The following AP3B1 variants were observed in gnomAD, a reference collection of about 807,000 sequenced individuals.
The protein encoded by AP3B1 is adaptor related protein complex 3 subunit beta 1.
Under a neutral mutation model 132.5 loss-of-function variants are expected in AP3B1, and 61 were observed. That is an observed-to-expected ratio of 0.46 (90% CI 0.37 to 0.57). The LOEUF (loss-of-function observed/expected upper bound fraction) is 0.57. Among genes scored for constraint, AP3B1 ranks in the 20% least tolerant of loss-of-function variants. The pLI, the probability that AP3B1 is intolerant of heterozygous loss-of-function variation, is 0.00. For synonymous variants in AP3B1, 388 were observed against 438.3 expected (o/e 0.89, Z 1.43); for missense variants, 1,120 against 1,289.4 (o/e 0.87, Z 2.01).
Position 78,137,420 on chromosome 5 carries a change from AT to A in AP3B1, c.1650+3722del, listed in dbSNP as rs1171406983. Among the ~76,000 whole-genome samples, 13 of 151,936 alleles carry A rather than the reference AT, an allele frequency of 8.6e-5. No homozygotes were observed. In the East Asian group the frequency reaches 2.5e-3, roughly 29 times the overall value. ...CCACACTGACTCTCTCCTTTCTACTATTTTTCCTTAACTTTCCAATGTCTGT... is the reference window on the plus strand; with the variant it reads ...CCACACTGACTCTCTCCTTTCTACTATTTTCCTTAACTTTCCAATGTCTGT... On this transcript the variant is annotated intron_variant, in intron 15 of 26. Transcript: ENST00000255194.
At chr5:78,200,972 C>A (rs1239093603) in intron 7 of AP3B1, among the ~76,000 whole-genome samples, 2 of 152,092 alleles carry the variant, frequency 1.3e-5, no homozygotes, top group Non-Finnish European at 2.9e-5. Context: ...GGCCCTAATA[C>A]AATGTGACTA....
intron 7 of AP3B1, among the ~76,000 whole-genome samples, chr5:78,203,366 T>C (rs554664935): frequency 2.6e-5 from 4 of 152,204 alleles, no homozygotes; most frequent in African/African-American, 9.6e-5. Context: ...AGAATGAGAA[T>C]AGAGTGAAGG....
chr5:78,273,265 T>G (rs1748627905), intron 1 of AP3B1, among the ~76,000 whole-genome samples: 1 of 151,994 alleles, frequency 6.6e-6, no homozygotes, highest in Non-Finnish European at 1.5e-5. Context: ...AGTAGCCAGG[T>G]GTGGTGACAT....
intron 1 of AP3B1, among the ~76,000 whole-genome samples, chr5:78,280,683 A>AAAC (rs59326999): frequency 3.9e-5 from 6 of 151,914 alleles, no homozygotes; most frequent in East Asian, 1.9e-4. Flanking sequence ...TTCTTTAAAA[A>AAAC]AACAACAACA....
chr5:78,148,891 C>A (rs1184814301), intron 14 of AP3B1, among the ~76,000 whole-genome samples: 1 of 152,208 alleles, frequency 6.6e-6, no homozygotes, highest in South Asian at 2.1e-4. Context: ...TGTATCACTT[C>A]GTAGGAAGTA....
intron 3 of AP3B1, among the ~76,000 whole-genome samples, chr5:78,231,685 T>TC (rs1665108102): frequency 6.6e-6 from 1 of 152,164 alleles, no homozygotes; most frequent in South Asian, 2.1e-4. Flanking sequence ...TTAAGTTAAA[T>TC]CCCAACTGCA....
intron 6 of AP3B1, among the ~76,000 whole-genome samples, chr5:78,219,579 T>C (rs570638219): frequency 6.6e-6 from 1 of 152,214 alleles, no homozygotes; most frequent in African/African-American, 2.4e-5. Context: ...CTGACTACAG[T>C]TGTAAGGTTT....
chr5:78,146,440 G>A (rs115557282), intron 14 of AP3B1, among the ~76,000 whole-genome samples: 3,562 of 152,146 alleles, frequency 0.023, 157 homozygotes, highest in African/African-American at 0.079. Flanking sequence ...TTCTCCTTAA[G>A]TTCAAATGTG....
intron 11 of AP3B1, among the ~76,000 whole-genome samples, chr5:78,170,415 T>C (rs7443652): frequency 0.1 from 15,600 of 152,172 alleles, 1,515 homozygotes; most frequent in African/African-American, 0.25. Flanking sequence ...CTCTCCAGCA[T>C]CTGTTGTTTC....
At chr5:78,063,643 A>G (rs1326672153) in intron 22 of AP3B1, among the ~76,000 whole-genome samples, 1 of 152,210 alleles carries the variant, frequency 6.6e-6, no homozygotes, top group African/African-American at 2.4e-5. Flanking sequence ...ATATGGCCTC[A>G]ATCACAGTAA....
chr5:78,101,772 A>G (rs1751134066), intron 20 of AP3B1, among the ~76,000 whole-genome samples: 1 of 152,112 alleles, frequency 6.6e-6, no homozygotes, highest in Non-Finnish European at 1.5e-5. Flanking sequence ...CAGTTTGGTT[A>G]GATATTCAGA....
intron 14 of AP3B1, among the ~76,000 whole-genome samples, chr5:78,144,710 C>T (rs989228083): frequency 6.6e-6 from 1 of 152,122 alleles, no homozygotes; most frequent in African/African-American, 2.4e-5. Context: ...AGTGCTATTT[C>T]AATATTACTC....
intron 14 of AP3B1, among the ~76,000 whole-genome samples, chr5:78,152,092 C>T (rs1287016352): frequency 7.7e-6 from 1 of 129,882 alleles, no homozygotes; most frequent in Non-Finnish European, 1.6e-5. Context: ...CTTCCTTTCC[C>T]TTCCCTCTCC....
At chr5:78,106,875 T>A in intron 20 of AP3B1, among the ~76,000 whole-genome samples, 1 of 152,162 alleles carries the variant, frequency 6.6e-6, no homozygotes, top group Non-Finnish European at 1.5e-5. Flanking sequence ...GTATTAGGTT[T>A]GGAAAACCAG....
chr5:78,162,630 T>TAA (rs536131536), intron 13 of AP3B1, among the ~76,000 whole-genome samples, 189 bp downstream of exon 13: 1 of 146,426 alleles, frequency 6.8e-6, no homozygotes, highest in Non-Finnish European at 1.5e-5. Flanking sequence ...CCTATTTTAC[T>TAA]AAAAAAAAAA....
chr5:78,237,813 C>CA (rs1202417492), intron 3 of AP3B1, among the ~76,000 whole-genome samples: 3 of 150,620 alleles, frequency 2.0e-5, no homozygotes, highest in Non-Finnish European at 3.0e-5. Context: ...ACCCTGTCTC[C>CA]AAAAAAAAAG....
At chr5:78,096,018 C>T (rs577563528) in intron 21 of AP3B1, among the ~76,000 whole-genome samples, 1 of 152,308 alleles carries the variant, frequency 6.6e-6, no homozygotes, top group South Asian at 2.1e-4. Flanking sequence ...CTGTCCCTCT[C>T]CCTTTCCCTC....
intron 7 of AP3B1, among the ~76,000 whole-genome samples, chr5:78,202,306 T>C (rs1355661324): frequency 6.6e-6 from 1 of 152,186 alleles, no homozygotes; most frequent in Admixed American, 6.5e-5. Context: ...AATGGACTAA[T>C]ACACAATCCT....
intron 2 of AP3B1, among the ~76,000 whole-genome samples, chr5:78,262,833 TTTC>T (rs1423656265): frequency 1.3e-5 from 2 of 151,966 alleles, no homozygotes; most frequent in African/African-American, 2.4e-5. Context: ...TAGTAATTTT[TTTC>T]TTATTATTAG....
Sources: allele counts gnomAD v4.1 joint callset (sites outside exome capture counted in the v4.1 genomes callset), GRCh38; gene constraint gnomAD v4.1.1; transcripts MANE v1.5; gene names NCBI Gene and HGNC (gene_info 2026-07-23, HGNC 2026-07-21).